The following DLEU7 variants were observed in gnomAD, a reference collection of about 807,000 sequenced individuals.
DLEU7 encodes the protein leukemia-associated protein 7.
Under a neutral mutation model 16.0 loss-of-function variants are expected in DLEU7, and 17 were observed. That is an observed-to-expected ratio of 1.06 (90% confidence interval 0.73 to 1.59). The LOEUF (loss-of-function observed/expected upper bound fraction) is 1.59. DLEU7 is among the 40% of genes most tolerant of loss of function. DLEU7 has a pLI of 0.00. For missense variants in DLEU7, 308 were observed against 314.9 expected (o/e 0.98, Z 0.17); for synonymous variants, 113 against 139.8 (o/e 0.81, Z 1.35).
chr13:50,793,886 T>C, intron 1 of DLEU7, among the ~76,000 whole-genome samples: 1 of 152,234 alleles, frequency 6.6e-6, no homozygotes, highest in Non-Finnish European at 1.5e-5. Context: ...TCTAGTTTTA[T>C]TGCAATTGCC....
intron 1 of DLEU7, among the ~76,000 whole-genome samples, chr13:50,782,804 C>G (rs538227739): frequency 5.6e-4 from 84 of 150,734 alleles, no homozygotes; most frequent in African/African-American, 2.0e-3. Flanking sequence ...TTCAGGATAA[C>G]TTCTAATCAT....
intron 1 of DLEU7, among the ~76,000 whole-genome samples, chr13:50,814,708 C>T (rs918748422): frequency 2.1e-4 from 31 of 146,172 alleles, no homozygotes; most frequent in African/African-American, 6.8e-4. Context: ...CACACACACT[C>T]GCATGAAAAC....
Position 50,726,122 on chromosome 13 carries a change from A to G in DLEU7, c.460-12882T>C, listed in dbSNP as rs181248676. The stretch of plus-strand genomic sequence containing the variant: ...CGGTGAAAATTATAGTCAACAAACT[A>G]CATGACTGCTTTCCCTACTTCTGCC... On this transcript the variant is annotated intron_variant, in intron 1 of 1. Coordinates refer to the DLEU7 transcript ENST00000400393. The surrounding 1 kb of genome is among the most constrained non-coding windows in gnomAD (Gnocchi z 4.0). Among the ~76,000 whole-genome samples the G allele has an allele frequency of 6.6e-6, 1 of 152,168 alleles. No homozygotes were observed. The highest frequency in any genetic ancestry group is 1.9e-4 in the East Asian group (1 of 5,174).
chr13:50,761,132 C>T (rs1195856427), intron 1 of DLEU7, among the ~76,000 whole-genome samples: 1 of 152,026 alleles, frequency 6.6e-6, no homozygotes, highest in Non-Finnish European at 1.5e-5. Flanking sequence ...CTGGGGATCC[C>T]GTCCTTGCTC....
intron 1 of DLEU7, among the ~76,000 whole-genome samples, chr13:50,758,669 C>G (rs1328837337): frequency 1.3e-5 from 2 of 152,204 alleles, no homozygotes; most frequent in East Asian, 1.9e-4. Context: ...ACAGAGGGCT[C>G]TATTTCCCAC....
exon 2 of DLEU7, chr13:50,712,289 T>C (rs1400149027): frequency 6.6e-6 from 1 of 152,224 alleles, no homozygotes; most frequent in Non-Finnish European, 1.5e-5. Flanking sequence ...AAAGTAGGAC[T>C]TTAAGCAGAT....
chr13:50,717,816 A>G (rs1873482445), intron 1 of DLEU7, among the ~76,000 whole-genome samples: 4 of 152,216 alleles, frequency 2.6e-5, no homozygotes, highest in Admixed American at 2.0e-4. Flanking sequence ...AGTTGCATCA[A>G]TTCTGCTATT....
chr13:50,718,774 C>A (rs185944667), intron 1 of DLEU7, among the ~76,000 whole-genome samples: 1 of 152,252 alleles, frequency 6.6e-6, no homozygotes, highest in Admixed American at 6.5e-5. Context: ...TACATAGAAG[C>A]AAAGAAACTT....
intron 1 of DLEU7, among the ~76,000 whole-genome samples, chr13:50,749,550 A>G (rs913372645): frequency 2.0e-5 from 3 of 152,108 alleles, no homozygotes; most frequent in Non-Finnish European, 2.9e-5. Context: ...TTGCATTCCT[A>G]CCAGCATGTA....
At chr13:50,773,628 G>C (rs181393320) in intron 1 of DLEU7, among the ~76,000 whole-genome samples, 1 of 147,096 alleles carries the variant, frequency 6.8e-6, no homozygotes, top group African/African-American at 2.7e-5. Context: ...ATTGCTGCCT[G>C]ATCCTTCCTC....
chr13:50,754,304 A>G (rs569857797), intron 1 of DLEU7, among the ~76,000 whole-genome samples: 30 of 152,036 alleles, frequency 2.0e-4, no homozygotes, highest in African/African-American at 6.8e-4. Context: ...GTTGCTGTCT[A>G]TCTCATTTCT....
At chr13:50,832,511 A>G (rs893612472) in intron 1 of DLEU7, among the ~76,000 whole-genome samples, 2 of 152,060 alleles carry the variant, frequency 1.3e-5, no homozygotes, top group African/African-American at 4.8e-5. Flanking sequence ...GTTATTTACT[A>G]TCTTCTGCTA....
chr13:50,814,761 A>AGTGTGTGTGTGTGTGTGTGTGTGT (rs10670911), intron 1 of DLEU7, among the ~76,000 whole-genome samples: 2 of 138,556 alleles, frequency 1.4e-5, no homozygotes, highest in Middle Eastern at 3.5e-3. Context: ...TATTCATGTG[A>AGTGTGTGTGTGTGTGTGTGTGTGT]GTGTGTGTGT....
At chr13:50,717,936 T>C (rs1035982469) in intron 1 of DLEU7, among the ~76,000 whole-genome samples, 2 of 152,178 alleles carry the variant, frequency 1.3e-5, no homozygotes, top group Non-Finnish European at 2.9e-5. Flanking sequence ...CAAGACATTA[T>C]AGATAATATT....
rs898861 is a variant in DLEU7, at chr13:50,843,399, G to A, written c.248C>T (p.Ala83Val). 0.2 allele frequency: 265,524 copies of A among 1,318,418 alleles called. 27,737 individuals are homozygous for A. The highest frequency in any genetic ancestry group is 0.34 in the East Asian group (10,713 of 31,908). 81.7% of individuals were successfully genotyped at this position (1,318,418 alleles called of 1,614,324 possible). The change falls in exon 1 of 2, where the codon GCG becomes GTG. Residue 83 changes from alanine to valine, a missense_variant. By Grantham distance (64) the Ala-to-Val change is moderately conservative. Transcript: ENST00000504404. The surrounding 1 kb of genome is among the most constrained non-coding windows in gnomAD (Gnocchi z 5.7). The part of the protein sequence containing the change: ...GTRSRRTAAR[A>V]NSPEEEVVRG... Reference sequence around the variant, plus strand: ...CACTACCTCCTCCTCTGGGGAGTTCGCCCGCGCCGCGGTCCGCCGACTCCT... The same window carrying A: ...CACTACCTCCTCCTCTGGGGAGTTCACCCGCGCCGCGGTCCGCCGACTCCT...
chr13:50,731,178 C>G (rs530127406), intron 1 of DLEU7, among the ~76,000 whole-genome samples: 1 of 152,190 alleles, frequency 6.6e-6, no homozygotes, highest in Non-Finnish European at 1.5e-5. Context: ...AATGGGAAAC[C>G]TGTAGTGGGT....
At chr13:50,800,760 T>C (rs1204786478) in intron 1 of DLEU7, among the ~76,000 whole-genome samples, 1 of 152,148 alleles carries the variant, frequency 6.6e-6, no homozygotes. Context: ...CCTCGAATTA[T>C]GGAGAGGAAG....
chr13:50,716,447 T>C (rs1005518815), intron 1 of DLEU7, among the ~76,000 whole-genome samples: 1 of 152,254 alleles, frequency 6.6e-6, no homozygotes, highest in Non-Finnish European at 1.5e-5. Flanking sequence ...ATTGACACTA[T>C]ACAGAAAGAG....
intron 1 of DLEU7, among the ~76,000 whole-genome samples, chr13:50,751,864 T>C (rs915817349): frequency 6.6e-6 from 1 of 152,018 alleles, no homozygotes; most frequent in African/African-American, 2.4e-5. Flanking sequence ...TCAATTTTAT[T>C]TATCTTTTCA....
Sources: allele counts gnomAD v4.1 joint callset (sites outside exome capture counted in the v4.1 genomes callset), GRCh38; gene constraint gnomAD v4.1.1; non-coding constraint Gnocchi (gnomAD v3.1); transcripts MANE v1.5; gene names NCBI Gene and HGNC (gene_info 2026-07-23, HGNC 2026-07-21).